MEOX2: variants seen among roughly 807,000 people sequenced by gnomAD.
MEOX2 encodes the protein mesenchyme homeobox 2, also known as homeobox protein MOX-2.
In MEOX2, 11 loss-of-function variants were observed where a neutral mutation model predicts 27.0. The observed-to-expected ratio is 0.41, with a 90% CI of 0.26 to 0.68. The LOEUF is 0.68. Ranked by LOEUF, MEOX2 falls within the 30% of genes least tolerant of loss-of-function variation. MEOX2 has a pLI of 0.33. For synonymous variants in MEOX2, 189 were observed against 155.4 expected, an observed-to-expected ratio of 1.22 and a Z score of -1.61; for missense variants, 436 against 385.4, an observed-to-expected ratio of 1.13 and a Z score of -1.10.
At chr7:15,640,237 G>A (rs111567424) in intron 1 of MEOX2, among the ~76,000 whole-genome samples, 5 of 150,196 alleles carry the variant, frequency 3.3e-5, no homozygotes, top group Non-Finnish European at 4.4e-5. Context: ...TGCTGTTTGG[G>A]GGTTGTGTGT....
intron 1 of MEOX2, among the ~76,000 whole-genome samples, chr7:15,667,524 C>T (rs546870847): frequency 6.6e-6 from 1 of 151,972 alleles, no homozygotes; most frequent in Non-Finnish European, 1.5e-5. Flanking sequence ...GTACCCAAAG[C>T]GTAGGGCCAA....
chr7:15,665,699 T>C (rs1781992413), intron 1 of MEOX2, among the ~76,000 whole-genome samples: 1 of 152,148 alleles, frequency 6.6e-6, no homozygotes, highest in Non-Finnish European at 1.5e-5. Context: ...GCAAAGTAAT[T>C]TGTAGTATTC....
intron 1 of MEOX2, among the ~76,000 whole-genome samples, chr7:15,672,847 G>T (rs191459887): frequency 6.6e-6 from 1 of 151,290 alleles, no homozygotes; most frequent in African/African-American, 2.4e-5. Flanking sequence ...AGCCGAGATC[G>T]TGCCACCGCA....
chr7:15,632,600 G>T (rs1363848208), intron 1 of MEOX2, among the ~76,000 whole-genome samples: 1 of 151,694 alleles, frequency 6.6e-6, no homozygotes, highest in Non-Finnish European at 1.5e-5. Flanking sequence ...AAGTATTTTT[G>T]TTAAAAAATA....
intron 1 of MEOX2, among the ~76,000 whole-genome samples, chr7:15,671,005 A>T (rs1428380786): frequency 6.6e-6 from 1 of 152,210 alleles, no homozygotes; most frequent in Non-Finnish European, 1.5e-5. Context: ...ACTATGAGGC[A>T]GTAGTGGGTT....
intron 2 of MEOX2, among the ~76,000 whole-genome samples, chr7:15,617,299 A>G (rs1258925026): frequency 6.6e-6 from 1 of 152,092 alleles, no homozygotes; most frequent in African/African-American, 2.4e-5. Flanking sequence ...TTGTCTAACA[A>G]ATATTTATTT....
At chr7:15,615,150 G>A (rs1334065698) in intron 2 of MEOX2, among the ~76,000 whole-genome samples, 1 of 148,732 alleles carries the variant, frequency 6.7e-6, no homozygotes, top group African/African-American at 2.5e-5. Flanking sequence ...ATATACCTAT[G>A]TAGGGATAGA....
chr7:15,628,076 A>G (rs1781343788), intron 1 of MEOX2, among the ~76,000 whole-genome samples: 1 of 152,086 alleles, frequency 6.6e-6, no homozygotes, highest in Non-Finnish European at 1.5e-5. Context: ...AAAGGTTTCA[A>G]AGAGTGACAT....
chr7:15,643,456 C>T (rs1456690975), intron 1 of MEOX2, among the ~76,000 whole-genome samples: 3 of 152,138 alleles, frequency 2.0e-5, no homozygotes, highest in Non-Finnish European at 4.4e-5. Context: ...AGTGGTGTCC[C>T]TCCTGTGCCA....
At chr7:15,627,605 T>A (rs879897410) in intron 1 of MEOX2, among the ~76,000 whole-genome samples, 17 of 152,072 alleles carry the variant, frequency 1.1e-4, no homozygotes, top group Admixed American at 5.9e-4. Context: ...GCACAACATG[T>A]AACATCAGTG....
At position 15,632,699 on chromosome 7, in the gene MEOX2, A is replaced by C. The variant is rs575766755; in HGVS notation, c.518-5781T>G. 2.6e-5 allele frequency among the ~76,000 whole-genome samples: 4 copies of C among 151,488 alleles called. 1 individual carries two copies. In the South Asian group the frequency reaches 8.3e-4, roughly 31 times the overall value. On this transcript the variant is annotated intron_variant, in intron 1 of 2. Coordinates refer to ENST00000262041, the MANE Select transcript of MEOX2 (RefSeq NM_005924.5). Reference sequence around the variant, plus strand: ...ACAGATTTGATTCTTCTAACTACCAACTTCAAAGCACTTAACACAAAAACA... The same window carrying C: ...ACAGATTTGATTCTTCTAACTACCACCTTCAAAGCACTTAACACAAAAACA...
At chr7:15,673,597 C>CAAAAAAAAAAAAAAAAAAAAAAAAATAA (rs35223717) in intron 1 of MEOX2, among the ~76,000 whole-genome samples, 1 of 76,196 alleles carries the variant, frequency 1.3e-5, no homozygotes, top group African/African-American at 5.1e-5. Flanking sequence ...ACAAGTCTAT[C>CAAAAAAAAAAAAAAAAAAAAAAAAATAA]AAAAAAAAAA....
At chr7:15,659,230 T>C (rs1301286191) in intron 1 of MEOX2, among the ~76,000 whole-genome samples, 1 of 152,182 alleles carries the variant, frequency 6.6e-6, no homozygotes, top group Non-Finnish European at 1.5e-5. Flanking sequence ...CTTTAATATA[T>C]AACTTATTTA....
intron 1 of MEOX2, among the ~76,000 whole-genome samples, chr7:15,655,789 A>G (rs1240406966): frequency 2.6e-5 from 4 of 151,880 alleles, no homozygotes; most frequent in African/African-American, 9.6e-5. Context: ...GTACCTTGAT[A>G]TATACTTAGT....
rs781080966 is a variant in MEOX2 at position 15,612,565 on chromosome 7, T to A, written c.737A>T (p.Lys246Met). The A allele has an allele frequency of 6.2e-7, 1 of 1,614,088 alleles. No individual in the cohort carries two copies. Among genetic ancestry groups the A allele is most frequent in the Admixed American group, 1.7e-5 (1 of 59,992 alleles). ...AGCCGCAGCTCCTTGCTGTCCACCC[T>A]TTACCCTCTTCCACTTCATCCGCCT... is the stretch of plus-strand genomic sequence containing the variant. ...QNRRMKWKRV[K>M]GGQQGAAARE... The change falls in exon 3 of 3, where the codon AAG becomes ATG. Residue 246 changes from lysine to methionine, a missense_variant. Physicochemically the swap from Lys to Met is moderately conservative, Grantham distance 95 (BLOSUM62 -1). Coordinates refer to ENST00000262041, the MANE Select transcript of MEOX2 (RefSeq NM_005924.5).
At chr7:15,619,158 ATTT>A (rs914779852) in intron 2 of MEOX2, among the ~76,000 whole-genome samples, 4 of 152,030 alleles carry the variant, frequency 2.6e-5, no homozygotes, top group Non-Finnish European at 5.9e-5. Flanking sequence ...ATAGTAGAAA[ATTT>A]TCTTAAAATT....
intron 1 of MEOX2, among the ~76,000 whole-genome samples, chr7:15,627,948 T>C (rs1374785571): frequency 2.6e-5 from 4 of 152,060 alleles, no homozygotes; most frequent in South Asian, 2.1e-4. Flanking sequence ...ATTTCTGGTA[T>C]CTAATTATTT....
chr7:15,614,989 T>C (rs6969519), intron 2 of MEOX2, among the ~76,000 whole-genome samples: 9,040 of 152,166 alleles, frequency 0.059, 313 homozygotes, highest in Non-Finnish European at 0.066. Flanking sequence ...GTTGAAATCA[T>C]GTATCATATA....
chr7:15,662,729 G>T (rs1237481068), intron 1 of MEOX2, among the ~76,000 whole-genome samples: 4 of 152,114 alleles, frequency 2.6e-5, no homozygotes, highest in Non-Finnish European at 1.5e-5. Flanking sequence ...CTCTTTAAAA[G>T]TGCAGTGACT....
Sources: gnomAD v4.1 joint callset for allele counts (sites outside exome capture counted in the v4.1 genomes callset) on GRCh38, gnomAD v4.1.1 for gene constraint, MANE v1.5 for transcripts, NCBI Gene and HGNC (gene_info 2026-07-23, HGNC 2026-07-21) for gene names.